The following ZBBX variants were observed in gnomAD, a reference collection of about 807,000 sequenced individuals.
The protein encoded by ZBBX is zinc finger B-box domain-containing protein 1.
Under a neutral mutation model 108.5 loss-of-function variants are expected in ZBBX, and 101 were observed. The observed-to-expected ratio is 0.93, with a 90% CI of 0.79 to 1.10. The LOEUF (loss-of-function observed/expected upper bound fraction) is 1.10, where lower values mean the gene tolerates loss of function less well. Among genes scored for constraint, ZBBX ranks in the 50% least tolerant of loss-of-function variants. The pLI is 0.00. For missense variants in ZBBX, 1,009 were observed against 941.4 expected (o/e 1.07, Z -0.94); for synonymous variants, 356 against 323.4 (o/e 1.10, Z -1.08).
intron 17 of ZBBX, among the ~76,000 whole-genome samples, chr3:167,298,859 A>G (rs1302186431): frequency 1.3e-5 from 2 of 152,030 alleles, no homozygotes; most frequent in African/African-American, 2.4e-5. Context: ...TGAAATACCA[A>G]TGGGAACTAT....
intron 8 of ZBBX, among the ~76,000 whole-genome samples, chr3:167,353,425 T>C (rs944614272): frequency 6.6e-6 from 1 of 151,980 alleles, no homozygotes; most frequent in Non-Finnish European, 1.5e-5. Context: ...TACTTGTAAG[T>C]GGGAGAGCTA....
At chr3:167,255,869 T>C (rs1723415996) in intron 20 of ZBBX, among the ~76,000 whole-genome samples, 1 of 152,120 alleles carries the variant, frequency 6.6e-6, no homozygotes, top group African/African-American at 2.4e-5. Context: ...CTATAGTCTC[T>C]GGGTTGTTCT....
chr3:167,240,883 C>G lies in ZBBX; in HGVS notation c.2430G>C (p.Leu810=). The G allele has an allele frequency of 6.2e-7, 1 of 1,613,458 alleles. No individual in the cohort carries two copies. Residue 810 remains leucine (L), a synonymous_variant, in exon 22 of 22, where the codon CTG becomes CTC. Transcript: ENST00000675490. ...SGRDTKIQSL[L]SLSESSTDEE... is the part of the protein sequence containing the mutation. ...CATCTGTACTGCTCTCAGAAAGTGA[C>G]AGCAAAGACTGAATTTTGGTATCTC...
At chr3:167,275,093 G>A (rs531719460) in intron 20 of ZBBX, among the ~76,000 whole-genome samples, 1 of 152,060 alleles carries the variant, frequency 6.6e-6, no homozygotes, top group Non-Finnish European at 1.5e-5. Flanking sequence ...ATTTGATTTT[G>A]ATTTTCCTTT....
At chr3:167,262,877 T>G (rs1724797254) in intron 20 of ZBBX, among the ~76,000 whole-genome samples, 1 of 152,132 alleles carries the variant, frequency 6.6e-6, no homozygotes, top group African/African-American at 2.4e-5. Flanking sequence ...TGGTTAAAGG[T>G]TTGTCAATTT....
intron 19 of ZBBX, among the ~76,000 whole-genome samples, chr3:167,286,058 T>C (rs1729639081): frequency 1.3e-5 from 2 of 152,146 alleles, no homozygotes; most frequent in South Asian, 2.1e-4. Context: ...CAGCACTAGA[T>C]AGGGTGGTGC....
At chr3:167,402,010 C>A (rs745533623) in intron 1 of ZBBX, among the ~76,000 whole-genome samples, 1 of 152,034 alleles carries the variant, frequency 6.6e-6, no homozygotes, top group Non-Finnish European at 1.5e-5. Flanking sequence ...GGATGCAGGA[C>A]GAGCAGAAGA....
chr3:167,342,669 T>A (rs528966474), intron 9 of ZBBX, among the ~76,000 whole-genome samples: 49 of 151,928 alleles, frequency 3.2e-4, no homozygotes, highest in Non-Finnish European at 6.5e-4. Flanking sequence ...CTATTCTAAT[T>A]TCTGCTTCTA....
At chr3:167,187,523 G>A in the ZBBX span, among the ~76,000 whole-genome samples, 4 of 152,156 alleles carry the variant, frequency 2.6e-5, no homozygotes, top group South Asian at 6.2e-4. Flanking sequence ...AGAGGATCTA[G>A]AATCAAACAA....
the ZBBX span, among the ~76,000 whole-genome samples, chr3:167,192,578 C>T: frequency 6.6e-6 from 1 of 152,154 alleles, no homozygotes. Flanking sequence ...CTTTCTCTTG[C>T]TCAGCTCCTT....
intron 20 of ZBBX, among the ~76,000 whole-genome samples, chr3:167,258,371 T>C (rs1336806073): frequency 2.0e-5 from 3 of 152,166 alleles, no homozygotes; most frequent in Non-Finnish European, 4.4e-5. Flanking sequence ...GATTTTTGTA[T>C]AAGGTGAGAA....
At chr3:167,378,860 G>C (rs1467708613) in intron 2 of ZBBX, among the ~76,000 whole-genome samples, 1 of 152,114 alleles carries the variant, frequency 6.6e-6, no homozygotes, top group Non-Finnish European at 1.5e-5. Context: ...TCGAAACCGA[G>C]CTTCTCCTTG....
chr3:167,264,653 C>T (rs189053839), intron 20 of ZBBX, among the ~76,000 whole-genome samples: 2 of 152,326 alleles, frequency 1.3e-5, no homozygotes, highest in East Asian at 3.9e-4. Flanking sequence ...AAAGTTTACA[C>T]ACCACCATTA....
Position 167,328,086 on chromosome 3 carries a change from G to A in ZBBX, c.718C>T (p.Arg240Cys), listed in dbSNP as rs199811535. ...AACAGACTCTTTCTTGGTTTTGTAC[G>A]TTGTGCTCTTTTCATCGTTGTAATT... ...VEITTMKRAQ[R>C]TKPRKSLLCE... The change falls in exon 11 of 22, where the codon CGT becomes TGT. Residue 240 changes from arginine to cysteine, a missense_variant. Physicochemically the swap from Arg to Cys is radical, Grantham distance 180. Transcript: ENST00000675490. The A allele has an allele frequency of 4.3e-5, 70 of 1,613,048 alleles. No homozygotes were observed. Among genetic ancestry groups the A allele is most frequent in the Middle Eastern group, 1.7e-4 (1 of 6,056 alleles).
chr3:167,293,079 G>T (rs1400158254), intron 18 of ZBBX, among the ~76,000 whole-genome samples: 3 of 152,088 alleles, frequency 2.0e-5, no homozygotes, highest in Non-Finnish European at 4.4e-5. Flanking sequence ...ACCAAAAAAA[G>T]TCCAGGACCA....
chr3:167,373,722 G>A lies in ZBBX; in HGVS notation c.-66C>T, dbSNP rs1746516457. On this transcript the variant is annotated 5_prime_UTR_variant, in exon 3 of 22. Coordinates refer to ENST00000675490, the MANE Select transcript of ZBBX (RefSeq NM_001199201.2). ...TATATTTACTATTTATTAAGTGGAA[G>A]TGAATCATGATCAGGGGCTTCACAT... 1 of 152,174 alleles carries A rather than the reference G, an allele frequency of 6.6e-6. No individual in the cohort carries two copies. The highest frequency in any genetic ancestry group is 1.5e-5 in the Non-Finnish European group (1 of 68,044). 9.4% of individuals were successfully genotyped at this position (152,174 alleles called of 1,614,324 possible).
At chr3:167,345,518 T>C (rs1403618391) in intron 9 of ZBBX, among the ~76,000 whole-genome samples, 1 of 151,886 alleles carries the variant, frequency 6.6e-6, no homozygotes, top group Non-Finnish European at 1.5e-5. Context: ...TTTTTCAAAA[T>C]ATTTACATAC....
chr3:167,186,737 A>T, the ZBBX span, among the ~76,000 whole-genome samples: 3 of 152,212 alleles, frequency 2.0e-5, no homozygotes, highest in African/African-American at 7.2e-5. Flanking sequence ...TAAAATGAGC[A>T]GAGAAGTTTA....
chr3:167,250,250 A>G (rs1275266826), intron 20 of ZBBX, among the ~76,000 whole-genome samples: 1 of 152,212 alleles, frequency 6.6e-6, no homozygotes, highest in Non-Finnish European at 1.5e-5. Flanking sequence ...GAGGAGATGC[A>G]GGAAACAGAC....
Sources: allele counts gnomAD v4.1 joint callset (sites outside exome capture counted in the v4.1 genomes callset), GRCh38; gene constraint gnomAD v4.1.1; transcripts MANE v1.5; gene names NCBI Gene and HGNC (gene_info 2026-07-23, HGNC 2026-07-21).